Variants in UFM1 observed in about 807,000 individuals in gnomAD.
UFM1 encodes the protein ubiquitin fold modifier 1.
In UFM1, 9 loss-of-function variants were observed where a neutral mutation model predicts 15.4. The ratio of observed to expected loss-of-function variants is 0.59; its 90% CI spans 0.35 to 1.02. UFM1 has a LOEUF of 1.02. UFM1 is among the 50% of genes least tolerant of loss of function. The pLI is 0.02. For synonymous variants in UFM1, 27 were observed against 36.3 expected, an observed-to-expected ratio of 0.74 and a Z score of 0.92; for missense variants, 98 against 104.7, an observed-to-expected ratio of 0.94 and a Z score of 0.28.
At chr13:38,358,510 T>C (rs1879226318) in intron 4 of UFM1, among the ~76,000 whole-genome samples, 1 of 151,930 alleles carries the variant, frequency 6.6e-6, no homozygotes, top group Non-Finnish European at 1.5e-5. Flanking sequence ...GAAAATTGTT[T>C]CTTGTAGGCT....
chr13:38,360,356 C>G (rs1469325099), intron 5 of UFM1, among the ~76,000 whole-genome samples: 1 of 151,944 alleles, frequency 6.6e-6, no homozygotes, highest in Non-Finnish European at 1.5e-5. Flanking sequence ...CCAAATATGT[C>G]AGGGTATCTA....
Position 38,358,073 on chromosome 13 carries a change from T to A in UFM1, c.118-20T>A, listed in dbSNP as rs545735907. ...TGTGTGTGTGTATATATATATATATTTTTTTTTCCTTCTATTTAGTTTAAA... is the reference window on the plus strand; with the variant it reads ...TGTGTGTGTGTATATATATATATATATTTTTTTCCTTCTATTTAGTTTAAA... On this transcript the variant is annotated intron_variant, in intron 3 of 5. Coordinates refer to ENST00000239878, the MANE Select transcript of UFM1 (RefSeq NM_016617.4). 7.6e-3 allele frequency: 9,378 copies of A among 1,236,280 alleles called. 544 individuals are homozygous for A. The African/African-American group carries it at 0.14, about 19-fold the overall frequency. The allele number at this position is 1,236,280 out of a possible 1,614,324, so 76.6% of individuals were successfully genotyped here.
intron 5 of UFM1, chr13:38,360,083 TA>T: frequency 2.6e-6 from 1 of 387,116 alleles, no homozygotes; most frequent in Non-Finnish European, 5.2e-6. Context: ...TGAAGTGATT[TA>T]AAATTGCAAA....
chr13:38,358,122 T>C lies in UFM1; in HGVS notation c.147T>C (p.Ile49=). The change falls in exon 4 of 6, where the codon ATT becomes ATC. Residue 49 remains isoleucine (I), a synonymous_variant. Transcript: ENST00000239878. ...AAGTTCCTGCTGCAACAAGTGCAATTATTACCAATGGTAAGAATTCACTAT... is the reference window on the plus strand; with the variant it reads ...AAGTTCCTGCTGCAACAAGTGCAATCATTACCAATGGTAAGAATTCACTAT... ...EFKVPAATSA[I]ITNDGIGINP... The C allele has an allele frequency of 6.9e-7, 1 of 1,459,528 alleles. No individual in the cohort carries two copies. Among genetic ancestry groups the C allele is most frequent in the Non-Finnish European group, 9.2e-7 (1 of 1,090,738 alleles). The allele number at this position is 1,459,528 out of a possible 1,614,324, so 90.4% of individuals were successfully genotyped here.
At chr13:38,358,364 C>T (rs1879217605) in intron 4 of UFM1, among the ~76,000 whole-genome samples, 1 of 151,004 alleles carries the variant, frequency 6.6e-6, no homozygotes, top group Non-Finnish European at 1.5e-5. Context: ...TTTGTCCTTA[C>T]CAGTTCATGC....
intron 3 of UFM1, chr13:38,354,889 T>C (rs1879027690): frequency 6.6e-6 from 1 of 152,004 alleles, no homozygotes; most frequent in African/African-American, 2.4e-5. Context: ...AAATGTGACT[T>C]CGGAGACTTA....
At chr13:38,360,148 A>C (rs1879305019) in intron 5 of UFM1, 1 of 291,336 alleles carries the variant, frequency 3.4e-6, no homozygotes, top group East Asian at 1.1e-4. Flanking sequence ...AGGTTTATTG[A>C]AAATCGTGAG....
intron 4 of UFM1, 32 bp downstream of exon 4, chr13:38,358,164 T>C: frequency 2.2e-6 from 3 of 1,350,620 alleles, no homozygotes; most frequent in Non-Finnish European, 3.0e-6. Flanking sequence ...ATGTATTACC[T>C]CAAATTTATA....
At chr13:38,359,168 G>A (rs555701409) in intron 4 of UFM1, 133 bp from the exon 5 acceptor site, 2 of 639,088 alleles carry the variant, frequency 3.1e-6, no homozygotes, top group South Asian at 2.1e-5. Context: ...TGTCACTCGT[G>A]TTCTTGGATT....
chr13:38,359,338 G>A lies in UFM1; in HGVS notation c.190+5G>A. The A allele has an allele frequency of 6.2e-7, 1 of 1,611,586 alleles. No individual in the cohort carries two copies. Among genetic ancestry groups the A allele is most frequent in the Non-Finnish European group, 8.5e-7 (1 of 1,178,240 alleles). The stretch of plus-strand genomic sequence containing the variant: ...TAAATCCTGCACAGACTGCTGGTGA[G>A]TATTTGAAAACTCATAGAGGAGTGG... On this transcript the variant is annotated splice_donor_5th_base_variant and intron_variant, in intron 5 of 5. Transcript: ENST00000239878.
Position 38,349,938 on chromosome 13 carries a change from C to A in UFM1, c.2+17C>A. 1 of 1,613,968 alleles carries A rather than the reference C, an allele frequency of 6.2e-7. No individual in the cohort carries two copies. The highest frequency in any genetic ancestry group is 8.5e-7 in the Non-Finnish European group (1 of 1,179,878). On this transcript the variant is annotated intron_variant, in intron 1 of 5. Coordinates refer to ENST00000239878, the MANE Select transcript of UFM1 (RefSeq NM_016617.4). ...CACCACCATGTAAGTGTTTGCTTACCGACTGCCATAATTCCTGGTCCAGCT... is the reference window on the plus strand; with the variant it reads ...CACCACCATGTAAGTGTTTGCTTACAGACTGCCATAATTCCTGGTCCAGCT...
At position 38,362,287 on chromosome 13, in the gene UFM1, A is replaced by T. The variant is rs970427061; in HGVS notation, c.*1509A>T. The T allele has an allele frequency of 6.6e-6, 1 of 152,168 alleles. No individual in the cohort carries two copies. The highest frequency in any genetic ancestry group is 1.5e-5 in the Non-Finnish European group (1 of 68,028). The allele number at this position is 152,168 out of a possible 1,614,324, so 9.4% of individuals were successfully genotyped here. ...CCCTAAGTTCATTGGGGGAAAAAAA[A>T]TAAGAAGATTCAACAGAATCAGCAT... On this transcript the variant is annotated 3_prime_UTR_variant, in exon 6 of 6. Transcript: ENST00000239878.
rs541598476 is a variant in UFM1, at chr13:38,358,178, A to G, written c.157+46A>G. Reference sequence around the variant, plus strand: ...TATGTATTACCTCAAATTTATAGAAATGGTGTAAAAGGAACCAAATTAATT... The same window carrying G: ...TATGTATTACCTCAAATTTATAGAAGTGGTGTAAAAGGAACCAAATTAATT... On this transcript the variant is annotated intron_variant, in intron 4 of 5. Coordinates refer to ENST00000239878, the MANE Select transcript of UFM1 (RefSeq NM_016617.4). 34 of 1,267,130 alleles carry G rather than the reference A, an allele frequency of 2.7e-5. No individual in the cohort carries two copies. The South Asian group carries it at 3.8e-4, about 14-fold the overall frequency. The allele number at this position is 1,267,130 out of a possible 1,614,324, so 78.5% of individuals were successfully genotyped here. A position where few individuals can be genotyped will look rare whatever the true frequency, so the allele number is the denominator to read the frequency against.
Position 38,350,045 on chromosome 13 carries a change from C to T in UFM1, c.49C>T (p.Pro17Ser), listed in dbSNP as rs767662803. Residue 17 changes from proline (P) to serine (S), a missense_variant, in exon 2 of 6, where the codon CCG becomes TCG. Transcript: ENST00000239878. Reference sequence around the variant, plus strand: ...CACGCTGACGTCGGACCCACGGCTGCCGTACAAAGTGTGAGTAGCTCGGCC... The same window carrying T: ...CACGCTGACGTCGGACCCACGGCTGTCGTACAAAGTGTGAGTAGCTCGGCC... Reference protein sequence around the residue: ...KITLTSDPRLPYKVLSVPEST... With the variant: ...KITLTSDPRLSYKVLSVPEST... 2 of 1,614,238 alleles carry T rather than the reference C, an allele frequency of 1.2e-6. No homozygotes were observed. The highest frequency in any genetic ancestry group is 1.7e-6 in the Non-Finnish European group (2 of 1,180,036).
At position 38,350,232 on chromosome 13, in the gene UFM1, G is replaced by A. The variant is rs1878770430; in HGVS notation, c.59+177G>A. On this transcript the variant is annotated intron_variant, in intron 2 of 5. Transcript: ENST00000239878. ...CACCGGAGCCTGCGAGGAGAGGTCCGTACTTGCTCGCTAAGTGTCAGCTTG... is the reference window on the plus strand; with the variant it reads ...CACCGGAGCCTGCGAGGAGAGGTCCATACTTGCTCGCTAAGTGTCAGCTTG... 3.1e-6 allele frequency: 5 copies of A among 1,603,874 alleles called. No individual in the cohort carries two copies. The East Asian group carries it at 6.8e-5, about 22-fold the overall frequency.
At position 38,362,499 on chromosome 13, in the gene UFM1, G is replaced by T. The variant is rs576024286; in HGVS notation, c.*1721G>T. 1 of 146,372 alleles carries T rather than the reference G, an allele frequency of 6.8e-6. No individual in the cohort carries two copies. The highest frequency in any genetic ancestry group is 1.5e-5 in the Non-Finnish European group (1 of 66,978). The allele number at this position is 146,372 out of a possible 1,614,324, so 9.1% of individuals were successfully genotyped here. ...TTTTTTTTGAGGCAGACTCTCTGTC[G>T]CCAGGCTTCTCCTGCCTCAGCCTCA... On this transcript the variant is annotated 3_prime_UTR_variant, in exon 6 of 6. Transcript: ENST00000239878.
chr13:38,349,950 T>G lies in UFM1; in HGVS notation c.2+29T>G, dbSNP rs766169319. On this transcript the variant is annotated intron_variant, in intron 1 of 5. Transcript: ENST00000239878. ...AGTGTTTGCTTACCGACTGCCATAA[T>G]TCCTGGTCCAGCTGCCCGACCCTGA... is the stretch of plus-strand genomic sequence containing the variant. The G allele has an allele frequency of 7.4e-6, 12 of 1,614,038 alleles. No individual in the cohort carries two copies. The South Asian group carries it at 8.8e-5, about 12-fold the overall frequency.
intron 3 of UFM1, among the ~76,000 whole-genome samples, chr13:38,357,280 T>C (rs1002937001): frequency 6.6e-6 from 1 of 151,988 alleles, no homozygotes. Context: ...GTTCAGATCT[T>C]GCAATTTCTA....
At chr13:38,352,659 ACT>A (rs1299937701) in intron 2 of UFM1, among the ~76,000 whole-genome samples, 2 of 152,070 alleles carry the variant, frequency 1.3e-5, no homozygotes, top group Non-Finnish European at 2.9e-5. Flanking sequence ...AGTCACTGTA[ACT>A]CTCATTTTTT....
Sources: allele counts gnomAD v4.1 joint callset (sites outside exome capture counted in the v4.1 genomes callset), GRCh38; gene constraint gnomAD v4.1.1; transcripts MANE v1.5; gene names NCBI Gene and HGNC (gene_info 2026-07-23, HGNC 2026-07-21).